Variants in AKAP11 observed in about 807,000 individuals in gnomAD.
The protein encoded by AKAP11 is A-kinase anchoring protein 11, also known as A-kinase anchor protein 11.
Under a neutral mutation model 146.1 loss-of-function variants are expected in AKAP11, and 36 were observed. That is an observed-to-expected ratio of 0.25 (90% CI 0.19 to 0.33). The LOEUF (loss-of-function observed/expected upper bound fraction) is 0.33. AKAP11 is among the 10% of genes least tolerant of loss of function. The pLI, the probability that AKAP11 is intolerant of heterozygous loss-of-function variation, is 1.00. For missense variants in AKAP11, 2,201 were observed against 2,197.0 expected, an observed-to-expected ratio of 1.00 and a Z score of -0.04; for synonymous variants, 780 against 786.5, an observed-to-expected ratio of 0.99 and a Z score of 0.14.
At chr13:42,274,510 C>T (rs2122243) in intron 1 of AKAP11, among the ~76,000 whole-genome samples, 56,861 of 151,962 alleles carry the variant, frequency 0.37, 11,102 homozygotes, top group East Asian at 0.63. Context: ...ATGGAAAAAC[C>T]CTGTCTTTAC....
chr13:42,293,207 A>T (rs1159396389), intron 4 of AKAP11, among the ~76,000 whole-genome samples: 2 of 152,218 alleles, frequency 1.3e-5, no homozygotes, highest in African/African-American at 4.8e-5. Flanking sequence ...TCGTGGTTAT[A>T]GATAGATGCT....
chr13:42,311,259 A>G (rs1443305356), intron 9 of AKAP11, among the ~76,000 whole-genome samples: 1 of 152,242 alleles, frequency 6.6e-6, no homozygotes, highest in East Asian at 1.9e-4. Context: ...GGAAATATGA[A>G]AAGACATAAA....
chr13:42,296,137 A>G (rs1959499198), intron 5 of AKAP11, among the ~76,000 whole-genome samples: 1 of 152,186 alleles, frequency 6.6e-6, no homozygotes, highest in African/African-American at 2.4e-5. Flanking sequence ...TGATAGGCAT[A>G]CTTTTCTTTT....
chr13:42,297,656 G>A (rs1260608667), intron 6 of AKAP11, among the ~76,000 whole-genome samples: 1 of 151,828 alleles, frequency 6.6e-6, no homozygotes, highest in Non-Finnish European at 1.5e-5. Flanking sequence ...TTTCTTACAG[G>A]TGGTTAGTTT....
intron 7 of AKAP11, 85 bp from the exon 8 acceptor site, chr13:42,299,278 A>G (rs1200495018): frequency 1.8e-6 from 2 of 1,139,166 alleles, no homozygotes; most frequent in East Asian, 2.6e-5. Context: ...TTATATGTTT[A>G]AAGTCAGTTT....
intron 11 of AKAP11, among the ~76,000 whole-genome samples, chr13:42,314,952 A>G (rs1960748470): frequency 6.6e-6 from 1 of 152,132 alleles, no homozygotes; most frequent in Non-Finnish European, 1.5e-5. Flanking sequence ...AGTTTTCATT[A>G]TATTCAGGCG....
chr13:42,311,934 A>G (rs1960587013), intron 9 of AKAP11, among the ~76,000 whole-genome samples: 2 of 152,160 alleles, frequency 1.3e-5, no homozygotes, highest in Non-Finnish European at 2.9e-5. Flanking sequence ...TGACAGTTTG[A>G]TCATGTTAGA....
At chr13:42,285,013 G>T (rs1194061173) in intron 1 of AKAP11, among the ~76,000 whole-genome samples, 5 of 152,318 alleles carry the variant, frequency 3.3e-5, no homozygotes, top group South Asian at 2.1e-4. Flanking sequence ...AGAAGTGTGT[G>T]TGTTTGTGCA....
chr13:42,310,287 C>G (rs1165905643), intron 9 of AKAP11, among the ~76,000 whole-genome samples: 1 of 152,066 alleles, frequency 6.6e-6, no homozygotes, highest in Non-Finnish European at 1.5e-5. Flanking sequence ...GGTTCTGGCA[C>G]AGAGAAAAAG....
Position 42,302,544 on chromosome 13 carries a change from A to G in AKAP11, c.3798A>G (p.Glu1266=), listed in dbSNP as rs760201401. 24 of 1,614,066 alleles carry G rather than the reference A, an allele frequency of 1.5e-5. No individual in the cohort carries two copies. Among genetic ancestry groups the G allele is most frequent in the Non-Finnish European group, 1.9e-5 (22 of 1,180,028 alleles). ...ATTTTGCGGGTGATCTGGCAGCAGAAGTCATTACAGAAGCTGAGAAAATAG... is the reference window on the plus strand; with the variant it reads ...ATTTTGCGGGTGATCTGGCAGCAGAGGTCATTACAGAAGCTGAGAAAATAG... ...LCNFAGDLAA[E]VITEAEKIAK... Residue 1266 remains glutamate (E), a synonymous_variant, in exon 8 of 13, where the codon GAA becomes GAG. Transcript: ENST00000025301.
rs1961037632 is a variant in AKAP11 at position 42,320,438 on chromosome 13, G to A, written c.*1210G>A. ...AAACTGCAAGTTGACATGAATAGAG[G>A]ACAAAGGTTGTGTCTTGCTTTTGTC... is the stretch of plus-strand genomic sequence containing the variant. On this transcript the variant is annotated 3_prime_UTR_variant, in exon 13 of 13. Coordinates refer to ENST00000025301, the MANE Select transcript of AKAP11 (RefSeq NM_016248.4). 6.6e-6 allele frequency: 1 copy of A among 151,594 alleles called. No homozygotes were observed. The highest frequency in any genetic ancestry group is 2.1e-4 in the South Asian group (1 of 4,790). The allele number at this position is 151,594 out of a possible 1,614,324, so 9.4% of individuals were successfully genotyped here. A position where few individuals can be genotyped will look rare whatever the true frequency, so the allele number is the denominator to read the frequency against.
At chr13:42,290,230 T>G (rs764694839) in intron 3 of AKAP11, among the ~76,000 whole-genome samples, 9 of 152,186 alleles carry the variant, frequency 5.9e-5, no homozygotes, top group Non-Finnish European at 1.2e-4. Context: ...CCAGTTGTGT[T>G]GTAGAATATT....
At chr13:42,313,627 T>A (rs1334138458) in intron 10 of AKAP11, among the ~76,000 whole-genome samples, 1 of 152,182 alleles carries the variant, frequency 6.6e-6, no homozygotes, top group Non-Finnish European at 1.5e-5. Flanking sequence ...GATTTTAAAT[T>A]GAATATTATG....
intron 4 of AKAP11, among the ~76,000 whole-genome samples, chr13:42,294,188 A>C (rs1959364344): frequency 1.3e-5 from 2 of 152,170 alleles, no homozygotes; most frequent in Admixed American, 6.5e-5. Flanking sequence ...CTATATTCTG[A>C]CTATACTATT....
rs117188742 is a variant in AKAP11, at chr13:42,274,446, G to A, written c.-100+2218G>A. The stretch of plus-strand genomic sequence containing the variant: ...CACTTGTAATCCCAGGACTTTAGGA[G>A]GCTGAGGCGGGTGGATCACTTGAGA... On this transcript the variant is annotated intron_variant, in intron 1 of 12. Coordinates refer to ENST00000025301, the MANE Select transcript of AKAP11 (RefSeq NM_016248.4). Among the ~76,000 whole-genome samples, 559 of 152,298 alleles carry A rather than the reference G, an allele frequency of 3.7e-3. 12 individuals carry two copies. In the East Asian group the frequency reaches 0.046, roughly 13 times the overall value.
intron 3 of AKAP11, 111 bp downstream of exon 3, chr13:42,286,510 T>A: frequency 1.4e-6 from 1 of 702,776 alleles, no homozygotes; most frequent in Non-Finnish European, 2.2e-6. Flanking sequence ...ATTATTTGAA[T>A]TAGTAACATT....
In AKAP11 at chr13:42,301,243, C is replaced by G; in HGVS notation, c.2497C>G (p.Leu833Val). The G allele has an allele frequency of 1.9e-6, 3 of 1,613,918 alleles. No individual in the cohort carries two copies. Among genetic ancestry groups the G allele is most frequent in the East Asian group, 4.5e-5 (2 of 44,882 alleles). Residue 833 changes from leucine to valine, a missense_variant, in exon 8 of 13, where the codon CTC (leucine) becomes GTC (valine). By Grantham distance (32) the Leu-to-Val change is conservative. Coordinates refer to ENST00000025301, the MANE Select transcript of AKAP11 (RefSeq NM_016248.4). The stretch of plus-strand genomic sequence containing the variant: ...AAACAGAGAAGAAAAAGCAGCTTGT[C>G]TCAGAAATATTTGTTTACCTTCAGA... ...TKNREEKAAC[L>V]RNICLPSEHN...
rs148963113 is a variant in AKAP11, at chr13:42,317,650, C to T, written c.5527C>T (p.Leu1843Phe). ...LIASEAEVAELYFHDSANKEF... is the reference protein window; with the variant it reads ...LIASEAEVAEFYFHDSANKEF... ...TGCCTCTGAGGCTGAAGTTGCAGAA[C>T]TTTATTTTCATGACTCTGCAAATAA... Residue 1843 changes from leucine to phenylalanine, a missense_variant, in exon 12 of 13, where the codon CTT becomes TTT. By Grantham distance (22) the Leu-to-Phe change is conservative. Around this residue, in one of 3 missense-constraint regions of AKAP11, gnomAD observed 1,867 missense variants for 1,833.5 expected, o/e 1.02. Transcript: ENST00000025301. 104 of 1,613,942 alleles carry T rather than the reference C, an allele frequency of 6.4e-5. No homozygotes were observed. The highest frequency in any genetic ancestry group is 8.0e-5 in the Non-Finnish European group (94 of 1,179,988).
intron 3 of AKAP11, among the ~76,000 whole-genome samples, chr13:42,290,134 T>C (rs2138506686): frequency 6.6e-6 from 1 of 152,308 alleles, no homozygotes; most frequent in Middle Eastern, 3.4e-3. Flanking sequence ...TATTTGGGGA[T>C]TGTATCTCTT....
Sources: allele counts gnomAD v4.1 joint callset (sites outside exome capture counted in the v4.1 genomes callset), GRCh38; gene constraint gnomAD v4.1.1; regional missense constraint gnomAD v4.1.1; transcripts MANE v1.5; gene names NCBI Gene and HGNC (gene_info 2026-07-23, HGNC 2026-07-21).